The following S100A13 variants were observed in gnomAD, a reference collection of about 807,000 sequenced individuals.
The protein encoded by S100A13 is protein S100-A13.
In S100A13, 6 loss-of-function variants were observed where a neutral mutation model predicts 8.2. The ratio of observed to expected loss-of-function variants is 0.73; its 90% confidence interval spans 0.40 to 1.44. The LOEUF (loss-of-function observed/expected upper bound fraction) is 1.44, where lower values mean the gene tolerates loss of function less well. Ranked by LOEUF, S100A13 falls within the 40% of genes most tolerant of loss-of-function variation. The pLI is 0.02. For missense variants in S100A13, 114 were observed against 113.6 expected, an observed-to-expected ratio of 1.00 and a Z score of -0.02; for synonymous variants, 39 against 45.9, an observed-to-expected ratio of 0.85 and a Z score of 0.61.
At chr1:153,622,245 C>G (rs1219394649) in intron 2 of S100A13, among the ~76,000 whole-genome samples, 2 of 152,082 alleles carry the variant, frequency 1.3e-5, no homozygotes, top group Non-Finnish European at 2.9e-5. Flanking sequence ...TGGCACAAGC[C>G]TGTAGTCCCA....
upstream of S100A13, chr1:153,630,476 TC>T: frequency 6.2e-7 from 1 of 1,609,024 alleles, no homozygotes; most frequent in Non-Finnish European, 8.5e-7. Context: ...CCGGGCCTGG[TC>T]CTCAGCTCAC....
upstream of S100A13, chr1:153,631,632 C>G (rs1447777333): frequency 4.3e-6 from 7 of 1,613,540 alleles, no homozygotes; most frequent in African/African-American, 1.3e-5. Flanking sequence ...TCAACCACCC[C>G]CTTGCCTCTG....
At chr1:153,627,816 G>A, upstream of S100A13, 2 of 536,376 alleles carry the variant, frequency 3.7e-6, no homozygotes, top group South Asian at 4.4e-5. Flanking sequence ...GCTGAGGGGG[G>A]AAGAGGGAGG....
At chr1:153,632,639 A>C (rs1382142201), upstream of S100A13, among the ~76,000 whole-genome samples, 1 of 152,114 alleles carries the variant, frequency 6.6e-6, no homozygotes, top group African/African-American at 2.4e-5. Flanking sequence ...GTAGGAACTG[A>C]GGCTCCAGCA....
At chr1:153,631,420 A>G (rs1273988853), upstream of S100A13, 1 of 1,491,434 alleles carries the variant, frequency 6.7e-7, no homozygotes, top group Non-Finnish European at 9.1e-7. Flanking sequence ...GAATTAAATT[A>G]GACAGTGCTT....
At chr1:153,634,216 A>C (rs1008641973), upstream of S100A13, 6 of 152,822 alleles carry the variant, frequency 3.9e-5, no homozygotes, top group Admixed American at 2.0e-4. Flanking sequence ...CCGCTTACGC[A>C]TCTAACCAAC....
At chr1:153,628,985 G>A, upstream of S100A13, 1 of 159,444 alleles carries the variant, frequency 6.3e-6, no homozygotes, top group Non-Finnish European at 1.4e-5. Flanking sequence ...TCTGGGGGTG[G>A]CAGGGCAAAG....
chr1:153,628,041 T>C (rs1300135164), upstream of S100A13: 1 of 1,550,218 alleles, frequency 6.5e-7, no homozygotes, highest in East Asian at 2.4e-5. Context: ...CAAGACTAAG[T>C]TTCTCACTGA....
At chr1:153,628,656 A>G (rs760801394), upstream of S100A13, 129 of 1,225,216 alleles carry the variant, frequency 1.1e-4, no homozygotes, top group Non-Finnish European at 2.7e-5. Context: ...TGGGGGAGAC[A>G]GGGTTTGGAA....
upstream of S100A13, chr1:153,631,123 A>G (rs1356432362): frequency 2.0e-5 from 6 of 307,178 alleles, no homozygotes; most frequent in Non-Finnish European, 3.0e-5. Flanking sequence ...TGAATGAACA[A>G]AAGCATGGGA....
chr1:153,632,795 G>A (rs925749334), upstream of S100A13, among the ~76,000 whole-genome samples: 4 of 152,150 alleles, frequency 2.6e-5, no homozygotes, highest in African/African-American at 9.7e-5. Context: ...TGCCAGTGGA[G>A]CAGAGGAAGG....
At chr1:153,628,372 G>C, upstream of S100A13, 1 of 1,545,786 alleles carries the variant, frequency 6.5e-7, no homozygotes, top group East Asian at 2.4e-5. Context: ...AAGGGGTGGA[G>C]TCGGTGGGGG....
At chr1:153,620,476 A>C (rs1667171525) in intron 2 of S100A13, among the ~76,000 whole-genome samples, 1 of 150,190 alleles carries the variant, frequency 6.7e-6, no homozygotes, top group African/African-American at 2.5e-5. Flanking sequence ...AAAAAAAAAG[A>C]GCTGTGACAG....
upstream of S100A13, chr1:153,630,396 A>C: frequency 7.5e-7 from 1 of 1,334,888 alleles, no homozygotes. Context: ...TAGGGCTCTA[A>C]TCCCACAGCT....
chr1:153,624,456 CTT>C (rs1450103346), intron 2 of S100A13, among the ~76,000 whole-genome samples: 6 of 150,386 alleles, frequency 4.0e-5, no homozygotes, highest in Non-Finnish European at 8.8e-5. Flanking sequence ...GCTGGGAAGT[CTT>C]AGAAAGAAGA....
At chr1:153,624,355 C>G (rs1432775328) in intron 2 of S100A13, among the ~76,000 whole-genome samples, 1 of 151,960 alleles carries the variant, frequency 6.6e-6, no homozygotes, top group Non-Finnish European at 1.5e-5. Flanking sequence ...ACAACAGAAG[C>G]AGTGATGAGA....
chr1:153,624,742 C>G (rs1667496971), intron 2 of S100A13, among the ~76,000 whole-genome samples: 1 of 152,064 alleles, frequency 6.6e-6, no homozygotes, highest in Non-Finnish European at 1.5e-5. Flanking sequence ...AGTTTGAGAC[C>G]AGCTTGGGAA....
At chr1:153,630,966 G>A, upstream of S100A13, 1 of 430,982 alleles carries the variant, frequency 2.3e-6, no homozygotes, top group Non-Finnish European at 4.1e-6. Context: ...GAAATACACA[G>A]AGCCTTAACA....
At chr1:153,630,777 C>CTTTCCCAGGCTTCTCTCCTGGT, upstream of S100A13, 1 of 1,362,222 alleles carries the variant, frequency 7.3e-7, no homozygotes, top group Non-Finnish European at 9.9e-7. Flanking sequence ...TCTTTCTTTC[C>CTTTCCCAGGCTTCTCTCCTGGT]TTTCCCAGGC....
Sources: allele counts gnomAD v4.1 joint callset (sites outside exome capture counted in the v4.1 genomes callset), GRCh38; gene constraint gnomAD v4.1.1; transcripts MANE v1.5; gene names NCBI Gene and HGNC (gene_info 2026-07-23, HGNC 2026-07-21).